The following TTC39A variants were observed in gnomAD, a reference collection of about 807,000 sequenced individuals.
The protein encoded by TTC39A is tetratricopeptide repeat protein 39A.
A neutral mutation model predicts 82.3 loss-of-function variants in TTC39A; 46 were observed. The observed-to-expected ratio is 0.56, with a 90% CI of 0.44 to 0.71. The LOEUF is 0.71. TTC39A is among the 30% of genes least tolerant of loss of function. TTC39A has a pLI of 0.00. For synonymous variants in TTC39A, 254 were observed against 275.2 expected, an observed-to-expected ratio of 0.92 and a Z score of 0.76; for missense variants, 543 against 712.9, an observed-to-expected ratio of 0.76 and a Z score of 2.71.
At position 51,294,835 on chromosome 1, in the gene TTC39A, G is replaced by A. The variant is rs1051398884; in HGVS notation, c.1146-324C>T. ...CCTCCACTCCCAGGCTCCATTTCTGGGGAGGATCCAAGAGAAGTTTAACCC... is the reference window on the plus strand; with the variant it reads ...CCTCCACTCCCAGGCTCCATTTCTGAGGAGGATCCAAGAGAAGTTTAACCC... On this transcript the variant is annotated intron_variant, in intron 13 of 17. Transcript: ENST00000680483. The surrounding 1 kb of genome is among the most constrained non-coding windows in gnomAD (Gnocchi z 4.3). 1.3e-5 allele frequency among the ~76,000 whole-genome samples: 2 copies of A among 152,190 alleles called. No homozygotes were observed. The highest frequency in any genetic ancestry group is 1.3e-4 in the Admixed American group (2 of 15,286).
At position 51,294,597 on chromosome 1, in the gene TTC39A, G is replaced by A. The variant is rs1475966646; in HGVS notation, c.1146-86C>T. ...CCCAGCCTACCCAGCTATGCTTGGC[G>A]CCTCTCTGGGCCTCAGTTTCCCCAT... is the stretch of plus-strand genomic sequence containing the variant. On this transcript the variant is annotated intron_variant, in intron 13 of 17. Coordinates refer to ENST00000680483, the MANE Select transcript of TTC39A (RefSeq NM_001297663.2). This position sits in a 1 kb window ranked among gnomAD's most constrained non-coding sequence, Gnocchi z 4.3. 7.1e-6 allele frequency: 11 copies of A among 1,558,774 alleles called. No homozygotes were observed. The highest frequency in any genetic ancestry group is 1.8e-4 in the Middle Eastern group (1 of 5,566).
chr1:51,303,636 G>A (rs1644765777), intron 8 of TTC39A, among the ~76,000 whole-genome samples: 1 of 152,116 alleles, frequency 6.6e-6, no homozygotes, highest in Non-Finnish European at 1.5e-5. Context: ...GGGGCTGGGG[G>A]CAGACCCCCC....
intron 13 of TTC39A, among the ~76,000 whole-genome samples, chr1:51,295,127 T>C (rs1045228977): frequency 2.0e-5 from 3 of 152,142 alleles, no homozygotes; most frequent in Non-Finnish European, 2.9e-5. Flanking sequence ...AGGGAACAGC[T>C]GGATGTGGGT....
Position 51,288,112 on chromosome 1 carries a change from C to T in TTC39A, c.*45G>A. 1 of 1,610,952 alleles carries T rather than the reference C, an allele frequency of 6.2e-7. No individual in the cohort carries two copies. Among genetic ancestry groups the T allele is most frequent in the Non-Finnish European group, 8.5e-7 (1 of 1,177,922 alleles). ...GTATTTTGAAATGTTTTCAGGAGCTCTGTCCAGCTGTCTCTGTCTTCCAGC... is the reference window on the plus strand; with the variant it reads ...GTATTTTGAAATGTTTTCAGGAGCTTTGTCCAGCTGTCTCTGTCTTCCAGC... On this transcript the variant is annotated 3_prime_UTR_variant, in exon 18 of 18. Coordinates refer to ENST00000680483, the MANE Select transcript of TTC39A (RefSeq NM_001297663.2). The surrounding 1 kb of genome is among the most constrained non-coding windows in gnomAD (Gnocchi z 4.8).
chr1:51,291,498 C>G, intron 14 of TTC39A, among the ~76,000 whole-genome samples: 1 of 144,898 alleles, frequency 6.9e-6, no homozygotes, highest in East Asian at 2.1e-4. Flanking sequence ...AAAAAAAAGT[C>G]TTGGGGCCAG....
Position 51,288,100 on chromosome 1 carries a change from T to G in TTC39A, c.*57A>C. On this transcript the variant is annotated 3_prime_UTR_variant, in exon 18 of 18. Transcript: ENST00000680483. This position sits in a 1 kb window ranked among gnomAD's most constrained non-coding sequence, Gnocchi z 4.8. The stretch of plus-strand genomic sequence containing the variant: ...CAGGGGGAGGGGGTATTTTGAAATG[T>G]TTTCAGGAGCTCTGTCCAGCTGTCT... 1 of 1,605,292 alleles carries G rather than the reference T, an allele frequency of 6.2e-7. No homozygotes were observed. Among genetic ancestry groups the G allele is most frequent in the Non-Finnish European group, 8.5e-7 (1 of 1,174,512 alleles).
At chr1:51,333,013 G>A (rs528223835), upstream of TTC39A, among the ~76,000 whole-genome samples, 1 of 152,204 alleles carries the variant, frequency 6.6e-6, no homozygotes, top group Admixed American at 6.5e-5. Flanking sequence ...AAGAGTTCGA[G>A]ACCAGCCTGA....
chr1:51,312,695 A>C, intron 3 of TTC39A, 117 bp downstream of exon 3: 1 of 1,451,076 alleles, frequency 6.9e-7, no homozygotes, highest in Non-Finnish European at 9.4e-7. Flanking sequence ...ACATGCAGAC[A>C]CAACCTCTTA....
upstream of TTC39A, chr1:51,331,315 C>T (rs1346910391): frequency 1.2e-5 from 18 of 1,536,926 alleles, no homozygotes; most frequent in African/African-American, 4.1e-5. Context: ...AGCCCTGAGG[C>T]GGTGTCTCCA....
At chr1:51,337,599 G>A (rs1464685399) in intron 1 of TTC39A, among the ~76,000 whole-genome samples, 9 of 151,546 alleles carry the variant, frequency 5.9e-5, no homozygotes, top group Admixed American at 5.3e-4. Context: ...GCTAATTTTT[G>A]TATTTTTAGT....
intron 1 of TTC39A, among the ~76,000 whole-genome samples, chr1:51,327,222 G>A (rs1459142498): frequency 1.3e-5 from 2 of 152,180 alleles, no homozygotes; most frequent in South Asian, 2.1e-4. Flanking sequence ...GGTGTGGGGT[G>A]GGTGAGGCGG....
intron 1 of TTC39A, 198 bp from the exon 2 acceptor site, chr1:51,322,023 G>A: frequency 2.7e-6 from 4 of 1,482,300 alleles, no homozygotes; most frequent in Admixed American, 2.1e-5. Context: ...AAGGGTGGGA[G>A]GGGGAGCAGA....
intron 1 of TTC39A, among the ~76,000 whole-genome samples, chr1:51,326,149 T>C (rs1044885681): frequency 3.3e-5 from 5 of 152,112 alleles, no homozygotes; most frequent in African/African-American, 1.2e-4. Context: ...GACAGGGCAG[T>C]GACCGCTACA....
intron 14 of TTC39A, among the ~76,000 whole-genome samples, chr1:51,293,773 G>C (rs1045565071): frequency 7.2e-5 from 11 of 152,222 alleles, no homozygotes; most frequent in African/African-American, 2.7e-4. Context: ...GGCCCAGACT[G>C]CTGAGTTCAA....
intron 6 of TTC39A, 74 bp downstream of exon 6, chr1:51,309,187 C>T: frequency 6.6e-7 from 1 of 1,509,042 alleles, no homozygotes; most frequent in Non-Finnish European, 8.9e-7. Context: ...TCCCACAAAG[C>T]CGCCTGAGGG....
At position 51,330,152 on chromosome 1, in the gene TTC39A, G is replaced by C. The variant is rs1645851147; in HGVS notation, c.41+285C>G. 1 of 985,540 alleles carries C rather than the reference G, an allele frequency of 1.0e-6. No individual in the cohort carries two copies. Among genetic ancestry groups the C allele is most frequent in the South Asian group, 4.7e-5 (1 of 21,288 alleles). The allele number at this position is 985,540 out of a possible 1,614,324, so 61.0% of individuals were successfully genotyped here. A position where few individuals can be genotyped will look rare whatever the true frequency, so the allele number is the denominator to read the frequency against. ...CAGGAGTGAACGCCACGAGGCAGGTGGGGAAGGCTGCTCTGAACGTGTCTG... is the reference window on the plus strand; with the variant it reads ...CAGGAGTGAACGCCACGAGGCAGGTCGGGAAGGCTGCTCTGAACGTGTCTG... On this transcript the variant is annotated intron_variant, in intron 1 of 17. Coordinates refer to ENST00000680483, the MANE Select transcript of TTC39A (RefSeq NM_001297663.2). The surrounding 1 kb of genome is among the most constrained non-coding windows in gnomAD (Gnocchi z 4.5).
intron 14 of TTC39A, among the ~76,000 whole-genome samples, chr1:51,293,311 C>T (rs1411974669): frequency 6.6e-6 from 1 of 152,224 alleles, no homozygotes; most frequent in Admixed American, 6.5e-5. Flanking sequence ...AGGTGATCTG[C>T]CTGCCTTAGC....
chr1:51,331,216 C>T (rs112434708), upstream of TTC39A: 25,804 of 1,547,296 alleles, frequency 0.017, 262 homozygotes, highest in Middle Eastern at 0.032. Context: ...ACACTCTGGC[C>T]CCTTTCCCCC....
chr1:51,344,918 C>T, intron 1 of TTC39A: 1 of 1,502,084 alleles, frequency 6.7e-7, no homozygotes, highest in Non-Finnish European at 8.9e-7. Context: ...GTTTCCCCGA[C>T]GTCGGCTGGG....
Sources: gnomAD v4.1 joint callset for allele counts (sites outside exome capture counted in the v4.1 genomes callset) on GRCh38, gnomAD v4.1.1 for gene constraint, Gnocchi (gnomAD v3.1) non-coding constraint, MANE v1.5 for transcripts, NCBI Gene and HGNC (gene_info 2026-07-23, HGNC 2026-07-21) for gene names.